The following PPFIA2 variants were observed in gnomAD, a reference collection of about 807,000 sequenced individuals.
The protein encoded by PPFIA2 is PPFI scaffold protein A2, also known as liprin-alpha-2.
In PPFIA2, 46 loss-of-function variants were observed where a neutral mutation model predicts 175.5. The observed-to-expected ratio is 0.26, with a 90% CI of 0.21 to 0.34. The LOEUF (loss-of-function observed/expected upper bound fraction) is 0.34. Ranked by LOEUF, PPFIA2 falls within the 10% of genes least tolerant of loss-of-function variation. The pLI is 1.00. For synonymous variants in PPFIA2, 568 were observed against 511.4 expected (o/e 1.11, Z -1.49); for missense variants, 1,179 against 1,506.1 (o/e 0.78, Z 3.60).
chr12:81,741,222 T>A (rs2082279482), intron 3 of PPFIA2, among the ~76,000 whole-genome samples: 1 of 152,198 alleles, frequency 6.6e-6, no homozygotes, highest in Admixed American at 6.5e-5. Context: ...GGATTTGAGG[T>A]GCAGCATTAA....
At chr12:81,661,550 A>C (rs541231737) in intron 4 of PPFIA2, among the ~76,000 whole-genome samples, 15 of 152,344 alleles carry the variant, frequency 9.8e-5, no homozygotes, top group Admixed American at 8.5e-4. Context: ...TTCATAAAGC[A>C]AGTCCTTAGA....
intron 4 of PPFIA2, among the ~76,000 whole-genome samples, chr12:81,478,411 C>T (rs2057759434): frequency 1.3e-5 from 2 of 152,130 alleles, no homozygotes; most frequent in African/African-American, 2.4e-5. Flanking sequence ...TCTATCCCTT[C>T]AGATCTGCTC....
chr12:81,514,662 T>C (rs1374765459), intron 4 of PPFIA2, among the ~76,000 whole-genome samples: 1 of 151,914 alleles, frequency 6.6e-6, no homozygotes, highest in Non-Finnish European at 1.5e-5. Context: ...CATGCAATTC[T>C]GATACAACTA....
chr12:81,693,159 A>G (rs1404868757), intron 3 of PPFIA2, among the ~76,000 whole-genome samples: 1 of 152,138 alleles, frequency 6.6e-6, no homozygotes, highest in African/African-American at 2.4e-5. Flanking sequence ...GTCTCTTTTC[A>G]GGAAGCATTA....
chr12:81,321,149 A>G (rs1789239289), intron 22 of PPFIA2, among the ~76,000 whole-genome samples: 1 of 152,064 alleles, frequency 6.6e-6, no homozygotes, highest in South Asian at 2.1e-4. Flanking sequence ...AAGCAAGAAG[A>G]GCCATAACTT....
At position 81,525,971 on chromosome 12, in the gene PPFIA2, T is replaced by TAA. The variant is rs5799532; in HGVS notation, c.304-68107_304-68106dup. The stretch of plus-strand genomic sequence containing the variant: ...TAGTCTAAGTAATCTAGTCATTGGT[T>TAA]AAAAAAAAATATAAAATTAGAAAAT... On this transcript the variant is annotated intron_variant, in intron 4 of 32. Coordinates refer to ENST00000549396, the MANE Select transcript of PPFIA2 (RefSeq NM_003625.5). 3.6e-4 allele frequency among the ~76,000 whole-genome samples: 55 copies of TAA among 151,406 alleles called. No individual in the cohort carries two copies. In the East Asian group the frequency reaches 0.01, roughly 28 times the overall value.
At chr12:81,379,771 T>C (rs1036319782) in intron 9 of PPFIA2, among the ~76,000 whole-genome samples, 2 of 152,186 alleles carry the variant, frequency 1.3e-5, no homozygotes, top group Non-Finnish European at 2.9e-5. Flanking sequence ...ATAATTTCTT[T>C]TTTGACAAAG....
At chr12:81,383,585 T>A (rs983903765) in intron 9 of PPFIA2, among the ~76,000 whole-genome samples, 4 of 152,160 alleles carry the variant, frequency 2.6e-5, no homozygotes, top group Admixed American at 6.6e-5. Flanking sequence ...ATGTTATACA[T>A]ATGCGTGTAT....
At chr12:81,643,978 T>C (rs980315784) in intron 4 of PPFIA2, among the ~76,000 whole-genome samples, 1 of 151,914 alleles carries the variant, frequency 6.6e-6, no homozygotes, top group African/African-American at 2.4e-5. Context: ...CTGAGATGAA[T>C]TGATGTCAAA....
chr12:81,578,060 C>A (rs569651089), intron 4 of PPFIA2, among the ~76,000 whole-genome samples: 1 of 151,696 alleles, frequency 6.6e-6, no homozygotes, highest in East Asian at 2.0e-4. Flanking sequence ...ACAGGACCAG[C>A]AATTTAGTGC....
intron 4 of PPFIA2, among the ~76,000 whole-genome samples, chr12:81,660,384 G>T (rs1415321099): frequency 6.6e-6 from 1 of 152,138 alleles, no homozygotes; most frequent in Non-Finnish European, 1.5e-5. Context: ...CTTGGCACGA[G>T]AACTACGTGA....
At chr12:81,600,542 T>A (rs2059681145) in intron 4 of PPFIA2, among the ~76,000 whole-genome samples, 1 of 152,014 alleles carries the variant, frequency 6.6e-6, no homozygotes, top group South Asian at 2.1e-4. Flanking sequence ...TTTCCAGTAA[T>A]TTTTAAGCAG....
At chr12:81,312,229 A>C in intron 22 of PPFIA2, 7 of 1,430,170 alleles carry the variant, frequency 4.9e-6, no homozygotes, top group African/African-American at 1.4e-5. Flanking sequence ...TAATGGATAC[A>C]GTTCAATCCA....
intron 4 of PPFIA2, among the ~76,000 whole-genome samples, chr12:81,511,335 GA>G (rs1429819609): frequency 6.6e-6 from 1 of 151,730 alleles, no homozygotes; most frequent in Non-Finnish European, 1.5e-5. Context: ...CAAACTTTTG[GA>G]AAATTATTAA....
intron 8 of PPFIA2, among the ~76,000 whole-genome samples, chr12:81,397,686 A>G (rs1048011549): frequency 6.6e-6 from 1 of 152,040 alleles, no homozygotes; most frequent in Non-Finnish European, 1.5e-5. Context: ...ACAGTCGACC[A>G]GGGGTGCCCA....
At chr12:81,621,944 T>C (rs1269960621) in intron 4 of PPFIA2, among the ~76,000 whole-genome samples, 1 of 151,936 alleles carries the variant, frequency 6.6e-6, no homozygotes, top group Non-Finnish European at 1.5e-5. Flanking sequence ...AGGGAGTAAG[T>C]ATAGGGAAAG....
chr12:81,388,181 C>T (rs1008162550), intron 8 of PPFIA2, among the ~76,000 whole-genome samples: 6 of 152,090 alleles, frequency 3.9e-5, no homozygotes, highest in Admixed American at 2.6e-4. Context: ...TTGGAAATAA[C>T]GTTTACATAC....
chr12:81,705,456 C>CAA (rs58602688), intron 3 of PPFIA2, among the ~76,000 whole-genome samples: 21 of 55,686 alleles, frequency 3.8e-4, no homozygotes, highest in African/African-American at 8.2e-4. Flanking sequence ...GACTAGGTCT[C>CAA]AAAAAAAAAA....
intron 4 of PPFIA2, among the ~76,000 whole-genome samples, chr12:81,587,551 A>T (rs1213129749): frequency 6.6e-6 from 1 of 152,028 alleles, no homozygotes; most frequent in Non-Finnish European, 1.5e-5. Context: ...ATTTTTTAGA[A>T]TAATTCTTGT....
Sources: gnomAD v4.1 joint callset for allele counts (sites outside exome capture counted in the v4.1 genomes callset) on GRCh38, gnomAD v4.1.1 for gene constraint, MANE v1.5 for transcripts, NCBI Gene and HGNC (gene_info 2026-07-23, HGNC 2026-07-21) for gene names.